Variants in ULK4 observed in about 807,000 individuals in gnomAD.
The protein encoded by ULK4 is unc-51 like kinase 4, also known as inactive serine/threonine-protein kinase ULK4.
A neutral mutation model predicts 160.6 loss-of-function variants in ULK4; 133 were observed. That is an observed-to-expected ratio of 0.83 (90% CI 0.72 to 0.96). The LOEUF (loss-of-function observed/expected upper bound fraction) is 0.96, where lower values mean the gene tolerates loss of function less well. ULK4 is among the 40% of genes least tolerant of loss of function. The pLI is 0.00. For missense variants in ULK4, 1,580 were observed against 1,499.5 expected (o/e 1.05, Z -0.89); for synonymous variants, 534 against 539.8 (o/e 0.99, Z 0.15).
intron 19 of ULK4, among the ~76,000 whole-genome samples, chr3:41,803,633 C>T (rs996243838): frequency 2.0e-5 from 3 of 152,136 alleles, no homozygotes; most frequent in African/African-American, 7.2e-5. Flanking sequence ...TATCCCTCCC[C>T]ACTCCCCCTA....
At chr3:41,616,549 C>T (rs2032974727) in intron 30 of ULK4, among the ~76,000 whole-genome samples, 1 of 152,140 alleles carries the variant, frequency 6.6e-6, no homozygotes, top group African/African-American at 2.4e-5. Context: ...GGCTGGGGAC[C>T]TCCCTCCCCC....
chr3:41,952,437 T>C (rs954664049), intron 2 of ULK4, among the ~76,000 whole-genome samples: 19 of 152,148 alleles, frequency 1.2e-4, no homozygotes, highest in African/African-American at 3.9e-4. Flanking sequence ...AAAGGAGATA[T>C]ACAAATTGTC....
At chr3:41,488,055 T>C (rs1400018408) in intron 32 of ULK4, among the ~76,000 whole-genome samples, 1 of 152,100 alleles carries the variant, frequency 6.6e-6, no homozygotes, top group Non-Finnish European at 1.5e-5. Context: ...AACAATGAGA[T>C]TGGAAACCAT....
intron 32 of ULK4, among the ~76,000 whole-genome samples, chr3:41,485,437 T>C (rs2084490835): frequency 6.6e-6 from 1 of 152,158 alleles, no homozygotes; most frequent in African/African-American, 2.4e-5. Flanking sequence ...AAAAAATAAG[T>C]AAATAAGAAG....
intron 20 of ULK4, among the ~76,000 whole-genome samples, chr3:41,796,576 A>G (rs958395216): frequency 6.6e-6 from 1 of 152,120 alleles, no homozygotes; most frequent in African/African-American, 2.4e-5. Flanking sequence ...TGGGCAACAG[A>G]GCAACACTCT....
At position 41,762,725 on chromosome 3, in the gene ULK4, T is replaced by G. The variant is rs543871478; in HGVS notation, c.2194-8237A>C. 2.4e-3 allele frequency among the ~76,000 whole-genome samples: 346 copies of G among 145,692 alleles called. 3 individuals are homozygous for G. Among genetic ancestry groups the G allele is most frequent in the African/African-American group, 8.4e-3 (329 of 39,288 alleles). ...TCGCCCAGGCTGGAGTGCAGTGGCATGATATCGGCTCACTGCAAGCTCCGC... is the reference window on the plus strand; with the variant it reads ...TCGCCCAGGCTGGAGTGCAGTGGCAGGATATCGGCTCACTGCAAGCTCCGC... On this transcript the variant is annotated intron_variant, in intron 21 of 36. Coordinates refer to ENST00000301831, the MANE Select transcript of ULK4 (RefSeq NM_017886.4).
intron 3 of ULK4, among the ~76,000 whole-genome samples, chr3:41,936,284 A>C (rs1699773473): frequency 6.6e-6 from 1 of 152,244 alleles, no homozygotes; most frequent in Non-Finnish European, 1.5e-5. Flanking sequence ...AAAGTATAGT[A>C]TCGTTTACTG....
At chr3:41,746,432 A>C (rs1196012170) in intron 22 of ULK4, among the ~76,000 whole-genome samples, 2 of 151,494 alleles carry the variant, frequency 1.3e-5, no homozygotes, top group Admixed American at 6.6e-5. Flanking sequence ...CCAAAAAGAA[A>C]TACTGGGTAT....
At chr3:41,796,866 G>A (rs2040314432) in intron 20 of ULK4, among the ~76,000 whole-genome samples, 1 of 152,114 alleles carries the variant, frequency 6.6e-6, no homozygotes, top group Non-Finnish European at 1.5e-5. Flanking sequence ...GGCTGGCACA[G>A]GAAAAGCACA....
rs1466756168 is a variant in ULK4 at position 41,789,687 on chromosome 3, G to T, written c.2167C>A (p.His723Asn). 1.3e-6 allele frequency: 2 copies of T among 1,588,722 alleles called. No homozygotes were observed. Among genetic ancestry groups the T allele is most frequent in the East Asian group, 4.7e-5 (2 of 42,968 alleles). Residue 723 changes from histidine (H) to asparagine (N), a missense_variant, in exon 21 of 37, where the codon CAT becomes AAT. Coordinates refer to ENST00000301831, the MANE Select transcript of ULK4 (RefSeq NM_017886.4). ...TTTTCTTGGATTAGTCTTTGAAGAT[G>T]AATCCCACAGGACAACATGGCAGCG... The part of the protein sequence containing the change: ...LFAAMLSCGI[H>N]LQRLIQEKGF...
At chr3:41,735,203 G>A (rs1368375219) in intron 22 of ULK4, among the ~76,000 whole-genome samples, 1 of 152,146 alleles carries the variant, frequency 6.6e-6, no homozygotes, top group Non-Finnish European at 1.5e-5. Flanking sequence ...AGGCAATTAG[G>A]AGTTACAAGT....
At chr3:41,256,298 A>G (rs1372185528) in intron 35 of ULK4, among the ~76,000 whole-genome samples, 2 of 152,234 alleles carry the variant, frequency 1.3e-5, no homozygotes, top group Non-Finnish European at 2.9e-5. Context: ...ATTTTGAAAA[A>G]GCAGAATAAA....
intron 32 of ULK4, among the ~76,000 whole-genome samples, chr3:41,518,376 G>A (rs2085819751): frequency 6.6e-6 from 1 of 152,116 alleles, no homozygotes; most frequent in African/African-American, 2.4e-5. Flanking sequence ...AAATTCTGCA[G>A]GCTTTAACAA....
chr3:41,517,736 G>A (rs1043573871), intron 32 of ULK4, among the ~76,000 whole-genome samples: 14 of 152,212 alleles, frequency 9.2e-5, no homozygotes, highest in Non-Finnish European at 1.5e-4. Context: ...CAGGCAGCAA[G>A]GGCGCCTCTG....
chr3:41,758,826 T>C (rs1340136435), intron 21 of ULK4, among the ~76,000 whole-genome samples: 2 of 149,240 alleles, frequency 1.3e-5, no homozygotes, highest in African/African-American at 5.0e-5. Context: ...TGAGCCAAGA[T>C]CGCGCCACTG....
chr3:41,504,132 A>G (rs1238259183), intron 32 of ULK4, among the ~76,000 whole-genome samples: 1 of 152,176 alleles, frequency 6.6e-6, no homozygotes, highest in African/African-American at 2.4e-5. Context: ...ACACATTGGC[A>G]TGACTCTCCC....
At chr3:41,479,164 A>G (rs905915512) in intron 32 of ULK4, among the ~76,000 whole-genome samples, 75 of 152,212 alleles carry the variant, frequency 4.9e-4, no homozygotes, top group African/African-American at 1.8e-3. Flanking sequence ...AATGAACTGG[A>G]GAACAACCTT....
intron 35 of ULK4, among the ~76,000 whole-genome samples, chr3:41,322,888 G>T (rs143810779): frequency 1.0e-3 from 154 of 152,132 alleles, no homozygotes; most frequent in African/African-American, 3.5e-3. Context: ...ATTAGGGAAA[G>T]ACTTCTTAAG....
At chr3:41,904,530 T>C (rs546225575) in intron 12 of ULK4, among the ~76,000 whole-genome samples, 3 of 152,338 alleles carry the variant, frequency 2.0e-5, no homozygotes, top group South Asian at 2.1e-4. Flanking sequence ...AGAATGATTA[T>C]ATACTCTTCT....
Sources: gnomAD v4.1 joint callset for allele counts (sites outside exome capture counted in the v4.1 genomes callset) on GRCh38, gnomAD v4.1.1 for gene constraint, MANE v1.5 for transcripts, NCBI Gene and HGNC (gene_info 2026-07-23, HGNC 2026-07-21) for gene names.